CACNA2D4: variants seen among roughly 807,000 people sequenced by gnomAD.
CACNA2D4 encodes the protein calcium voltage-gated channel auxiliary subunit alpha2delta 4.
A neutral mutation model predicts 163.8 loss-of-function variants in CACNA2D4; 157 were observed. The ratio of observed to expected loss-of-function variants is 0.96; its 90% CI spans 0.84 to 1.09. The LOEUF is 1.09. Among genes scored for constraint, CACNA2D4 ranks in the 50% least tolerant of loss-of-function variants. The probability of loss-of-function intolerance (pLI) is 0.00; values close to 1 mark genes in which losing one functional copy is unlikely to be tolerated. For synonymous variants in CACNA2D4, 598 were observed against 586.9 expected (o/e 1.02, Z -0.27); for missense variants, 1,410 against 1,479.9 (o/e 0.95, Z 0.78).
intron 29 of CACNA2D4, among the ~76,000 whole-genome samples, chr12:1,805,555 GC>G (rs1435868517): frequency 6.6e-6 from 1 of 152,178 alleles, no homozygotes; most frequent in Non-Finnish European, 1.5e-5. Flanking sequence ...AGCCTCACCT[GC>G]CCCTCCGTCC....
rs756870046 is a variant in CACNA2D4, at chr12:1,886,055, G to A, written c.994-16C>T. 3.1e-6 allele frequency: 5 copies of A among 1,602,070 alleles called. No individual in the cohort carries two copies. In the Admixed American group the frequency reaches 5.0e-5, roughly 16 times the overall value. On this transcript the variant is annotated splice_polypyrimidine_tract_variant and intron_variant, in intron 8 of 37. Transcript: ENST00000382722. ...AGTCATTGTACTGCAGTTGCAGTGA[G>A]TTGAGGGGAGGTGGGGGGAGAATAA...
intron 26 of CACNA2D4, among the ~76,000 whole-genome samples, chr12:1,815,055 C>T (rs1863831539): frequency 6.6e-6 from 1 of 152,144 alleles, no homozygotes; most frequent in Non-Finnish European, 1.5e-5. Flanking sequence ...CCATGCATGG[C>T]TAATTTTTGT....
At position 1,907,948 on chromosome 12, in the gene CACNA2D4, A is replaced by T. The variant is rs754570050; in HGVS notation, c.576T>A (p.Asn192Lys). 29 of 1,613,932 alleles carry T rather than the reference A, an allele frequency of 1.8e-5. No individual in the cohort carries two copies. Among genetic ancestry groups the T allele is most frequent in the Non-Finnish European group, 2.3e-5 (27 of 1,179,894 alleles). ...TCACCGGCAGGTTGCTGAAGTGAGC[A>T]TTGGACTCCAGGAGGAACTCGGCGC... ...ELGAEFLLES[N>K]AHFSNLPVNT... Residue 192 changes from asparagine to lysine, a missense_variant, in exon 5 of 38, where the codon AAT becomes AAA. By Grantham distance (94) the Asn-to-Lys change is moderately conservative. Coordinates refer to ENST00000382722, the MANE Select transcript of CACNA2D4 (RefSeq NM_172364.5).
At chr12:1,795,049 A>G (rs1863070641) in intron 37 of CACNA2D4, 2 of 581,834 alleles carry the variant, frequency 3.4e-6, no homozygotes, top group Admixed American at 3.0e-5. Flanking sequence ...AGATGCACCT[A>G]TCACCCTAAT....
intron 20 of CACNA2D4, 139 bp from the exon 21 acceptor site, chr12:1,856,368 G>A: frequency 1.2e-6 from 1 of 864,114 alleles, no homozygotes; most frequent in African/African-American, 1.7e-5. Flanking sequence ...GCTCACAGTA[G>A]GAGAACATGG....
At position 1,846,648 on chromosome 12, in the gene CACNA2D4, C is replaced by T. The variant is rs771472388; in HGVS notation, c.2288G>A (p.Arg763Gln). 1.2e-5 allele frequency: 20 copies of T among 1,604,418 alleles called. No individual in the cohort carries two copies. Among genetic ancestry groups the T allele is most frequent in the Admixed American group, 1.2e-4 (7 of 59,290 alleles). Residue 763 changes from arginine (R) to glutamine (Q), a missense_variant, in exon 24 of 38, where the codon CGG (arginine) becomes CAG (glutamine). Physicochemically the swap from Arg to Gln is conservative, Grantham distance 43. Coordinates refer to ENST00000382722, the MANE Select transcript of CACNA2D4 (RefSeq NM_172364.5). ...HVVDMAFLGTRAGLLRSSLFV... is the reference protein window; with the variant it reads ...HVVDMAFLGTQAGLLRSSLFV... ...CAAGCTGCTTCTCAGGAGGCCAGCC[C>T]GGGTGCCCAGGAAGGCCATGTCCAC...
At chr12:1,840,602 C>T (rs1390856671) in intron 26 of CACNA2D4, 137 bp downstream of exon 26, 3 of 656,390 alleles carry the variant, frequency 4.6e-6, no homozygotes, top group Non-Finnish European at 8.0e-6. Flanking sequence ...AGGAAGAGTG[C>T]ACTTCCACCC....
At chr12:1,812,966 A>G (rs1006054945) in intron 26 of CACNA2D4, among the ~76,000 whole-genome samples, 2 of 152,148 alleles carry the variant, frequency 1.3e-5, no homozygotes, top group Non-Finnish European at 1.5e-5. Flanking sequence ...ACAGAGATAC[A>G]GGATTGTGTT....
chr12:1,847,023 T>C (rs1172584339), intron 23 of CACNA2D4, among the ~76,000 whole-genome samples: 1 of 152,192 alleles, frequency 6.6e-6, no homozygotes, highest in African/African-American at 2.4e-5. Context: ...GGAGATTCTG[T>C]CCTGGGACCT....
At chr12:1,823,501 G>A (rs1655571733) in intron 26 of CACNA2D4, among the ~76,000 whole-genome samples, 1 of 152,078 alleles carries the variant, frequency 6.6e-6, no homozygotes, top group African/African-American at 2.4e-5. Context: ...GGTGGCTACA[G>A]CCCACTCAGC....
intron 29 of CACNA2D4, chr12:1,809,315 C>T (rs540488969): frequency 2.6e-4 from 150 of 566,792 alleles, no homozygotes; most frequent in Admixed American, 4.8e-4. Context: ...AACTTAGAGC[C>T]CTCAGCTGGG....
intron 29 of CACNA2D4, among the ~76,000 whole-genome samples, chr12:1,808,488 T>G (rs1863611785): frequency 1.3e-5 from 2 of 152,258 alleles, no homozygotes; most frequent in Non-Finnish European, 2.9e-5. Flanking sequence ...CCATGGCTGC[T>G]TTCTTGCTAC....
intron 9 of CACNA2D4, 125 bp downstream of exon 9, chr12:1,885,840 C>T (rs1866125297): frequency 1.4e-6 from 1 of 702,738 alleles, no homozygotes. Flanking sequence ...GTAACGTGCT[C>T]TGCTCTCATT....
In CACNA2D4 at chr12:1,913,087, T is replaced by C; in HGVS notation, c.362A>G (p.Glu121Gly). The C allele has an allele frequency of 6.2e-7, 1 of 1,613,904 alleles. No individual in the cohort carries two copies. The highest frequency in any genetic ancestry group is 1.3e-5 in the African/African-American group (1 of 75,022). ...GTCCTCTGAGAACTTCCTCACCAGC[T>C]CCAAGCCATCCACCTCCTCGATCTT... ...SLKIEEVDGL[E>G]LVRKFSEDME... The change falls in exon 3 of 38, where the codon GAG becomes GGG. Residue 121 changes from glutamate to glycine, a missense_variant. Glu to Gly is a moderately conservative substitution (Grantham distance 98, BLOSUM62 -2). Transcript: ENST00000382722.
chr12:1,900,304 A>T (rs1483413772), intron 6 of CACNA2D4, among the ~76,000 whole-genome samples: 1 of 152,094 alleles, frequency 6.6e-6, no homozygotes, highest in African/African-American at 2.4e-5. Context: ...TTTCATTTTT[A>T]AAAAATTTTT....
Position 1,858,004 on chromosome 12 carries a change from G to A in CACNA2D4, c.2008+573C>T, listed in dbSNP as rs1042783260. 6.6e-5 allele frequency among the ~76,000 whole-genome samples: 10 copies of A among 152,202 alleles called. 1 individual carries two copies. Among genetic ancestry groups the A allele is most frequent in the Admixed American group, 3.9e-4 (6 of 15,282 alleles). ...AGACTGAAGTGTGCAGCTGCAAGAC[G>A]AGGAGCACCTGAGGCTCCTAGACCT... On this transcript the variant is annotated intron_variant, in intron 20 of 37. Coordinates refer to ENST00000382722, the MANE Select transcript of CACNA2D4 (RefSeq NM_172364.5).
intron 18 of CACNA2D4, among the ~76,000 whole-genome samples, chr12:1,866,653 C>T (rs1565718757): frequency 1.3e-5 from 2 of 152,080 alleles, no homozygotes; most frequent in Admixed American, 6.6e-5. Context: ...CATAGTCTCA[C>T]TCTGTTGCCC....
intron 7 of CACNA2D4, 82 bp downstream of exon 7, chr12:1,886,927 G>A (rs1173970797): frequency 1.3e-5 from 12 of 926,566 alleles, no homozygotes; most frequent in African/African-American, 3.3e-5. Context: ...GGGAAGGGGC[G>A]GAAGTGGAGG....
chr12:1,848,347 C>A (rs1278527643), intron 23 of CACNA2D4, among the ~76,000 whole-genome samples: 1 of 152,226 alleles, frequency 6.6e-6, no homozygotes, highest in African/African-American at 2.4e-5. Context: ...CGGATTGCCA[C>A]CCTGGGGTGC....
Sources: gnomAD v4.1 joint callset for allele counts (sites outside exome capture counted in the v4.1 genomes callset) on GRCh38, gnomAD v4.1.1 for gene constraint, MANE v1.5 for transcripts, NCBI Gene and HGNC (gene_info 2026-07-23, HGNC 2026-07-21) for gene names.